PIKFYVE: variants seen among roughly 807,000 people sequenced by gnomAD.
PIKFYVE encodes 1-phosphatidylinositol 3-phosphate 5-kinase.
A neutral mutation model predicts 257.9 loss-of-function variants in PIKFYVE; 122 were observed. That is an observed-to-expected ratio of 0.47 (90% CI 0.41 to 0.55). PIKFYVE has a LOEUF of 0.55. Ranked by LOEUF, PIKFYVE falls within the 20% of genes least tolerant of loss-of-function variation. The pLI is 0.00. For missense variants in PIKFYVE, 2,160 were observed against 2,536.6 expected (o/e 0.85, Z 3.19); for synonymous variants, 892 against 868.9 (o/e 1.03, Z -0.47).
intron 2 of PIKFYVE, among the ~76,000 whole-genome samples, chr2:208,273,188 G>T (rs572377265): frequency 6.6e-6 from 1 of 152,258 alleles, no homozygotes; most frequent in Non-Finnish European, 1.5e-5. Context: ...CTTGCATTTT[G>T]TTTCCTTTAG....
At chr2:208,283,715 T>C (rs1163677355) in intron 5 of PIKFYVE, among the ~76,000 whole-genome samples, 1 of 152,130 alleles carries the variant, frequency 6.6e-6, no homozygotes, top group Non-Finnish European at 1.5e-5. Context: ...CCCAAGTAGC[T>C]TGGACTACAG....
At chr2:208,343,832 A>G (rs1206214501) in intron 32 of PIKFYVE, among the ~76,000 whole-genome samples, 3 of 78,142 alleles carry the variant, frequency 3.8e-5, no homozygotes, top group African/African-American at 1.2e-4. Context: ...AAGCTTTTAA[A>G]CTTTTTTTTT....
At chr2:208,345,073 T>C (rs963577272) in intron 32 of PIKFYVE, 38 bp from the exon 33 acceptor site, 3 of 1,351,418 alleles carry the variant, frequency 2.2e-6, no homozygotes, top group African/African-American at 1.4e-5. Flanking sequence ...AAAGAAGAAG[T>C]TAATGTTTAA....
chr2:208,304,930 A>C lies in PIKFYVE; in HGVS notation c.1553A>C (p.Asn518Thr). The C allele has an allele frequency of 1.2e-6, 2 of 1,614,140 alleles. No homozygotes were observed. Among genetic ancestry groups the C allele is most frequent in the Non-Finnish European group, 1.7e-6 (2 of 1,180,020 alleles). The change falls in exon 12 of 42, where the codon AAC (asparagine) becomes ACC (threonine). Residue 518 changes from asparagine (N) to threonine (T), a missense_variant. Coordinates refer to ENST00000264380, the MANE Select transcript of PIKFYVE (RefSeq NM_015040.4). The stretch of plus-strand genomic sequence containing the variant: ...GACTCAGCCGCTTCTATCAGCCTGA[A>C]CGTGGAGCTGGACAACGTGAACTTC... Reference protein sequence around the residue: ...DSDSAASISLNVELDNVNFHI... With the variant: ...DSDSAASISLTVELDNVNFHI...
At chr2:208,332,768 T>G (rs1697693741) in intron 23 of PIKFYVE, among the ~76,000 whole-genome samples, 1 of 152,128 alleles carries the variant, frequency 6.6e-6, no homozygotes, top group South Asian at 2.1e-4. Context: ...TGTGTGTGTG[T>G]GTATATATAT....
At chr2:208,318,950 CA>C (rs57665157) in intron 16 of PIKFYVE, among the ~76,000 whole-genome samples, 16,482 of 107,978 alleles carry the variant, frequency 0.15, 744 homozygotes, top group African/African-American at 0.21. Context: ...GACTCCGTCT[CA>C]AAAAAAAAAA....
chr2:208,337,804 C>A (rs865840480), intron 28 of PIKFYVE, among the ~76,000 whole-genome samples: 1 of 152,120 alleles, frequency 6.6e-6, no homozygotes, highest in Non-Finnish European at 1.5e-5. Context: ...TCACTGCAAC[C>A]TCTGCCTTCC....
At chr2:208,283,940 A>G (rs1691186591) in intron 5 of PIKFYVE, among the ~76,000 whole-genome samples, 1 of 152,192 alleles carries the variant, frequency 6.6e-6, no homozygotes, top group Non-Finnish European at 1.5e-5. Context: ...AAAATGAAAA[A>G]GTAAAAGGCC....
At chr2:208,332,172 A>G (rs1428827407) in intron 23 of PIKFYVE, among the ~76,000 whole-genome samples, 1 of 152,202 alleles carries the variant, frequency 6.6e-6, no homozygotes, top group Non-Finnish European at 1.5e-5. Context: ...AGGACATGAC[A>G]ATGCAATTTA....
chr2:208,304,901 C>A lies in PIKFYVE; in HGVS notation c.1524C>A (p.Asp508Glu). The change falls in exon 12 of 42, where the codon GAC becomes GAA. Residue 508 changes from aspartate (D) to glutamate (E), a missense_variant. Physicochemically the swap from Asp to Glu is conservative, Grantham distance 45. Coordinates refer to ENST00000264380, the MANE Select transcript of PIKFYVE (RefSeq NM_015040.4). ...TSVSSFQSTV[D>E]SDSAASISLN... ...TCAGCAGTTTCCAGTCCACAGTGGA[C>A]AGTGACTCAGCCGCTTCTATCAGCC... is the stretch of plus-strand genomic sequence containing the variant. 6.2e-7 allele frequency: 1 copy of A among 1,614,156 alleles called. No homozygotes were observed. Among genetic ancestry groups the A allele is most frequent in the Non-Finnish European group, 8.5e-7 (1 of 1,180,020 alleles).
At chr2:208,274,940 C>G (rs1689915725) in intron 3 of PIKFYVE, among the ~76,000 whole-genome samples, 1 of 152,186 alleles carries the variant, frequency 6.6e-6, no homozygotes, top group African/African-American at 2.4e-5. Context: ...TACAAATTGG[C>G]AGCCTGCCAA....
At chr2:208,305,092 T>C in intron 12 of PIKFYVE, 79 bp downstream of exon 12, 1 of 1,594,514 alleles carries the variant, frequency 6.3e-7, no homozygotes, top group Non-Finnish European at 8.5e-7. Context: ...CCTGTCCTTC[T>C]GGCTTCCTCT....
At chr2:208,342,533 G>A (rs1278583308) in intron 31 of PIKFYVE, 21 bp from the exon 32 acceptor site, 4 of 1,571,586 alleles carry the variant, frequency 2.5e-6, no homozygotes, top group Non-Finnish European at 3.5e-6. Context: ...GTTAACTTAT[G>A]TATTTTAAAA....
intron 23 of PIKFYVE, among the ~76,000 whole-genome samples, chr2:208,331,010 G>A (rs1697479837): frequency 6.6e-6 from 1 of 152,034 alleles, no homozygotes; most frequent in African/African-American, 2.4e-5. Context: ...TTATGTGCCA[G>A]ATACTGTGCT....
At chr2:208,338,659 C>T (rs545056370) in intron 29 of PIKFYVE, 91 bp downstream of exon 29, 52 of 1,277,600 alleles carry the variant, frequency 4.1e-5, no homozygotes, top group Admixed American at 6.9e-5. Context: ...GCAGTTTTTC[C>T]GATGCTGTTG....
intron 7 of PIKFYVE, among the ~76,000 whole-genome samples, chr2:208,297,305 T>G (rs1443888290): frequency 6.6e-6 from 1 of 152,136 alleles, no homozygotes; most frequent in Non-Finnish European, 1.5e-5. Context: ...ATGCACCCAT[T>G]GGAAAAGAGA....
intron 8 of PIKFYVE, among the ~76,000 whole-genome samples, 188 bp downstream of exon 8, chr2:208,298,967 T>A (rs913023314): frequency 1.3e-5 from 2 of 152,086 alleles, no homozygotes; most frequent in Non-Finnish European, 2.9e-5. Flanking sequence ...CTTAGTCTCC[T>A]GAGTAGCTGG....
At chr2:208,299,070 C>T (rs1001223554) in intron 8 of PIKFYVE, among the ~76,000 whole-genome samples, 4 of 152,000 alleles carry the variant, frequency 2.6e-5, no homozygotes, top group Non-Finnish European at 4.4e-5. Flanking sequence ...AAACTCCTGA[C>T]CTCAAGTGAT....
At chr2:208,345,319 CAT>C in intron 33 of PIKFYVE, 125 bp downstream of exon 33, 2 of 796,098 alleles carry the variant, frequency 2.5e-6, no homozygotes, top group Non-Finnish European at 4.2e-6. Flanking sequence ...TAGTGGCACT[CAT>C]ATTTCAGCCA....
Sources: gnomAD v4.1 joint callset for allele counts (sites outside exome capture counted in the v4.1 genomes callset) on GRCh38, gnomAD v4.1.1 for gene constraint, MANE v1.5 for transcripts, NCBI Gene and HGNC (gene_info 2026-07-23, HGNC 2026-07-21) for gene names.